The following MRC2 variants were observed in gnomAD, a reference collection of about 807,000 sequenced individuals.
The protein encoded by MRC2 is C-type mannose receptor 2.
Under a neutral mutation model 206.2 loss-of-function variants are expected in MRC2, and 84 were observed. The ratio of observed to expected loss-of-function variants is 0.41; its 90% confidence interval spans 0.34 to 0.49. The LOEUF is 0.49. Ranked by LOEUF, MRC2 falls within the 20% of genes least tolerant of loss-of-function variation. The pLI is 0.31. For missense variants in MRC2, 1,676 were observed against 2,001.5 expected (o/e 0.84, Z 3.10); for synonymous variants, 798 against 800.0 (o/e 1.00, Z 0.04).
At position 62,689,679 on chromosome 17, in the gene MRC2, C is replaced by A; in HGVS notation, c.3492C>A (p.Pro1164=). Residue 1164 remains proline, a synonymous_variant, in exon 24 of 30, where the codon CCC becomes CCA. Coordinates refer to ENST00000303375, the MANE Select transcript of MRC2 (RefSeq NM_006039.5). ...GCAATGCCAGCCTGGCCTACGTGCC[C>A]GACCCCTACACCCAGGCCTTCCTCA... ...ESRNASLAYV[P]DPYTQAFLTQ... is the part of the protein sequence containing the mutation. 6.3e-7 allele frequency: 1 copy of A among 1,587,072 alleles called. No individual in the cohort carries two copies.
Position 62,677,407 on chromosome 17 carries a change from G to A in MRC2, c.1973G>A (p.Gly658Glu). ...LGTPVTPELPGPDPTPSLTGS... is the reference protein window; with the variant it reads ...LGTPVTPELPEPDPTPSLTGS... ...ACTCCAGTGACGCCGGAGCTGCCGG[G>A]GCCAGATCCCACGCCCAGCCTCACT... Residue 658 changes from glycine to glutamate, a missense_variant, in exon 12 of 30, where the codon GGG (glycine) becomes GAG (glutamate). Physicochemically the swap from Gly to Glu is moderately conservative, Grantham distance 98. Transcript: ENST00000303375. 1.2e-6 allele frequency: 2 copies of A among 1,611,834 alleles called. No homozygotes were observed. Among genetic ancestry groups the A allele is most frequent in the South Asian group, 2.2e-5 (2 of 90,752 alleles).
chr17:62,630,555 T>G (rs1032948376), intron 1 of MRC2, among the ~76,000 whole-genome samples: 3 of 152,080 alleles, frequency 2.0e-5, no homozygotes, highest in Admixed American at 6.5e-5. Flanking sequence ...GGGAGAAGGT[T>G]GAGTGAAAGA....
In MRC2 at chr17:62,688,590, G is replaced by A. The variant is rs2089061421; in HGVS notation, c.3151G>A (p.Glu1051Lys). The change falls in exon 22 of 30, where the codon GAG becomes AAG. Residue 1051 changes from glutamate to lysine, a missense_variant. Around this residue, in one of 3 missense-constraint regions of MRC2, gnomAD observed 1,354 missense variants for 1,636.6 expected, o/e 0.83. Coordinates refer to ENST00000303375, the MANE Select transcript of MRC2 (RefSeq NM_006039.5). ...SQRDFQWVEQ[E>K]PLMYANWAPG... Reference sequence around the variant, plus strand: ...GAGGGACTTCCAGTGGGTGGAGCAGGAGCCTTTGATGTATGCCAACTGGGC... The same window carrying A: ...GAGGGACTTCCAGTGGGTGGAGCAGAAGCCTTTGATGTATGCCAACTGGGC... 2.5e-6 allele frequency: 4 copies of A among 1,614,120 alleles called. No homozygotes were observed. The highest frequency in any genetic ancestry group is 3.4e-6 in the Non-Finnish European group (4 of 1,180,056).
At position 62,677,486 on chromosome 17, in the gene MRC2, G is replaced by T; in HGVS notation, c.2052G>T (p.Lys684Asn). 1.3e-6 allele frequency: 2 copies of T among 1,591,284 alleles called. No individual in the cohort carries two copies. The highest frequency in any genetic ancestry group is 1.7e-6 in the Non-Finnish European group (2 of 1,164,076). Residue 684 changes from lysine (K) to asparagine (N), a missense_variant and splice_region_variant, in exon 12 of 30, where the codon AAG (lysine) becomes AAT (asparagine). Around this residue, in one of 3 missense-constraint regions of MRC2, gnomAD observed 1,354 missense variants for 1,636.6 expected, o/e 0.83. Coordinates refer to ENST00000303375, the MANE Select transcript of MRC2 (RefSeq NM_006039.5). The part of the protein sequence containing the change: ...ASDTKLRYCY[K>N]VFSSERLQDK... ...ACACCAAACTCCGGTATTGCTATAAGGTAGGGCAGCCTGTTGGCCGGGTAG... is the reference window on the plus strand; with the variant it reads ...ACACCAAACTCCGGTATTGCTATAATGTAGGGCAGCCTGTTGGCCGGGTAG...
At position 62,666,782 on chromosome 17, in the gene MRC2, C is replaced by G. The variant is rs267604980; in HGVS notation, c.885C>G (p.Thr295=). ...GCCTCCTCACTGGGTACAGCTCCAC[C>G]CTGTGGATCGGCTTGAATGACTTGG... ...INGLLTGYSS[T]LWIGLNDLDT... is the part of the protein sequence containing the mutation. The change falls in exon 5 of 30, where the codon ACC becomes ACG. Residue 295 remains threonine (T), a synonymous_variant. Coordinates refer to ENST00000303375, the MANE Select transcript of MRC2 (RefSeq NM_006039.5). The surrounding 1 kb of genome is among the most constrained non-coding windows in gnomAD (Gnocchi z 5.0). 3 of 1,613,692 alleles carry G rather than the reference C, an allele frequency of 1.9e-6. No individual in the cohort carries two copies. The highest frequency in any genetic ancestry group is 1.6e-4 in the Middle Eastern group (1 of 6,082).
Position 62,679,623 on chromosome 17 carries a change from G to A in MRC2, c.2196-177G>A, listed in dbSNP as rs76467680. 725 of 550,844 alleles carry A rather than the reference G, an allele frequency of 1.3e-3. 6 individuals carry two copies. Among genetic ancestry groups the A allele is most frequent in the Middle Eastern group, 8.4e-3 (20 of 2,374 alleles). The allele number at this position is 550,844 out of a possible 1,614,324, so 34.1% of individuals were successfully genotyped here. ...TCTCCCCAGCTCTGTCTTGTGGGGA[G>A]AACTTTACCGAAGTGACCTCAACGC... On this transcript the variant is annotated intron_variant, in intron 13 of 29. Transcript: ENST00000303375.
chr17:62,633,502 C>CA (rs999150702), intron 1 of MRC2, among the ~76,000 whole-genome samples: 1,926 of 73,276 alleles, frequency 0.026, 34 homozygotes, highest in African/African-American at 0.037. Context: ...GACTCCGTCT[C>CA]AAAAAAAAAA....
Position 62,680,624 on chromosome 17 carries a change from G to A in MRC2, c.2473+171G>A, listed in dbSNP as rs1331300287. On this transcript the variant is annotated intron_variant, in intron 16 of 29. Transcript: ENST00000303375. The surrounding 1 kb of genome is among the most constrained non-coding windows in gnomAD (Gnocchi z 4.8). ...GCCACAGCCCTGTTTGCTTCCGTGTGGGAGGCGAGGCAAGCCTGGGGCCTG... is the reference window on the plus strand; with the variant it reads ...GCCACAGCCCTGTTTGCTTCCGTGTAGGAGGCGAGGCAAGCCTGGGGCCTG... 3 of 1,254,064 alleles carry A rather than the reference G, an allele frequency of 2.4e-6. No homozygotes were observed. Among genetic ancestry groups the A allele is most frequent in the Admixed American group, 2.6e-5 (1 of 38,248 alleles). 77.7% of individuals were successfully genotyped at this position (1,254,064 alleles called of 1,614,324 possible).
At chr17:62,635,138 T>G (rs2088296662) in intron 1 of MRC2, among the ~76,000 whole-genome samples, 1 of 150,914 alleles carries the variant, frequency 6.6e-6, no homozygotes, top group Admixed American at 6.6e-5. Context: ...GCCCCATTGT[T>G]TTTTTTTTAA....
At chr17:62,665,409 C>A (rs1226491796) in intron 2 of MRC2, among the ~76,000 whole-genome samples, 1 of 141,826 alleles carries the variant, frequency 7.1e-6, no homozygotes, top group Non-Finnish European at 1.5e-5. Context: ...TGTCCCCCCC[C>A]CCACAAAAAA....
At chr17:62,630,456 G>C (rs2084207256) in intron 1 of MRC2, among the ~76,000 whole-genome samples, 1 of 152,184 alleles carries the variant, frequency 6.6e-6, no homozygotes, top group Non-Finnish European at 1.5e-5. Flanking sequence ...ATGGGCCAAA[G>C]GGTGGCCAAG....
intron 14 of MRC2, 46 bp downstream of exon 14, chr17:62,679,948 TG>T: frequency 9.0e-7 from 1 of 1,116,214 alleles, no homozygotes; most frequent in South Asian, 1.3e-5. Flanking sequence ...GGGAGCTTGG[TG>T]GGCGGGGCCT....
chr17:62,676,023 C>A (rs904867582), intron 10 of MRC2, 118 bp downstream of exon 10: 15 of 782,314 alleles, frequency 1.9e-5, no homozygotes, highest in Non-Finnish European at 3.1e-5. Flanking sequence ...GTCCTGTGAA[C>A]CTCAGTGGGC....
intron 1 of MRC2, among the ~76,000 whole-genome samples, chr17:62,653,738 T>TG (rs1224696734): frequency 6.6e-6 from 1 of 150,716 alleles, no homozygotes; most frequent in Non-Finnish European, 1.5e-5. Context: ...GAGGGGCTGT[T>TG]GGGGAGGAGG....
intron 1 of MRC2, among the ~76,000 whole-genome samples, chr17:62,631,687 C>T (rs1411017373): frequency 6.6e-6 from 1 of 152,068 alleles, no homozygotes; most frequent in Admixed American, 6.5e-5. Context: ...GGGTCAGCCA[C>T]TTCCTTGTGG....
intron 1 of MRC2, among the ~76,000 whole-genome samples, chr17:62,662,121 GT>G (rs1344126039): frequency 1.3e-5 from 2 of 151,906 alleles, no homozygotes; most frequent in African/African-American, 4.8e-5. Context: ...ATGGTGGCAT[GT>G]GCCTGTAGTC....
At chr17:62,632,894 G>A (rs760117457) in intron 1 of MRC2, among the ~76,000 whole-genome samples, 2 of 152,190 alleles carry the variant, frequency 1.3e-5, no homozygotes, top group Non-Finnish European at 2.9e-5. Flanking sequence ...GTGCGAGGCT[G>A]AGCAGTGGCC....
chr17:62,664,838 C>A lies in MRC2; in HGVS notation c.409C>A (p.Arg137Ser). Reference sequence around the variant, plus strand: ...CCAGCTGTCCTTGCTCCTGGGGGCCCGCACCAGCAACATATCCAAGCCTGG... The same window carrying A: ...CCAGCTGTCCTTGCTCCTGGGGGCCAGCACCAGCAACATATCCAAGCCTGG... ...GDQLSLLLGARTSNISKPGTL... is the reference protein window; with the variant it reads ...GDQLSLLLGASTSNISKPGTL... The change falls in exon 2 of 30, where the codon CGC becomes AGC. Residue 137 changes from arginine to serine, a missense_variant. This residue lies in a region of MRC2 where 318 missense variants were observed against 346.7 expected (regional missense o/e 0.92). Transcript: ENST00000303375. The surrounding 1 kb of genome is among the most constrained non-coding windows in gnomAD (Gnocchi z 4.7). The A allele has an allele frequency of 1.9e-6, 3 of 1,613,766 alleles. No homozygotes were observed. The highest frequency in any genetic ancestry group is 2.5e-6 in the Non-Finnish European group (3 of 1,180,020).
At chr17:62,654,101 A>C (rs534699665) in intron 1 of MRC2, among the ~76,000 whole-genome samples, 96 of 151,964 alleles carry the variant, frequency 6.3e-4, no homozygotes, top group African/African-American at 2.2e-3. Context: ...CGGCCCTTTC[A>C]GGCGGCCTCT....
Sources: gnomAD v4.1 joint callset for allele counts (sites outside exome capture counted in the v4.1 genomes callset) on GRCh38, gnomAD v4.1.1 for gene constraint, gnomAD v4.1.1 regional missense constraint, Gnocchi (gnomAD v3.1) non-coding constraint, MANE v1.5 for transcripts, NCBI Gene and HGNC (gene_info 2026-07-23, HGNC 2026-07-21) for gene names.